GRSF1: variants seen among roughly 807,000 people sequenced by gnomAD.
The protein encoded by GRSF1 is G-rich RNA sequence binding factor 1, also known as G-rich sequence factor 1.
Under a neutral mutation model 51.1 loss-of-function variants are expected in GRSF1, and 50 were observed. The ratio of observed to expected loss-of-function variants is 0.98; its 90% CI spans 0.78 to 1.24. GRSF1 has a LOEUF of 1.24. Among genes scored for constraint, GRSF1 ranks in the 50% most tolerant of loss-of-function variants. The pLI is 0.00. For missense variants in GRSF1, 700 were observed against 639.7 expected (o/e 1.09, Z -1.02); for synonymous variants, 293 against 253.3 (o/e 1.16, Z -1.49).
At position 70,839,498 on chromosome 4, in the gene GRSF1, G is replaced by T. The variant is rs1560605046; in HGVS notation, c.330C>A (p.Ala110=). The T allele has an allele frequency of 2.1e-6, 3 of 1,423,880 alleles. 1 individual carries two copies. In the Admixed American group the frequency reaches 9.3e-5, roughly 44 times the overall value. 88.2% of individuals were successfully genotyped at this position (1,423,880 alleles called of 1,614,324 possible). ...GGCTGTAGCTGCGCGTCGGGACGGC[G>T]GCCGCCGCCGCCAGCGACTGCGGCA... ...SLLPQSLAAA[A]AVPTRSYSQE... is the part of the protein sequence containing the mutation. The change falls in exon 1 of 10, where the codon GCC becomes GCA. Residue 110 remains alanine (A), a synonymous_variant. Coordinates refer to ENST00000254799, the MANE Select transcript of GRSF1 (RefSeq NM_002092.4).
At chr4:70,826,862 T>TAC (rs1177819416) in intron 6 of GRSF1, among the ~76,000 whole-genome samples, 2 of 152,064 alleles carry the variant, frequency 1.3e-5, no homozygotes, top group East Asian at 3.9e-4. Context: ...AACAAAAATA[T>TAC]ATATACACAT....
chr4:70,828,457 A>T (rs1733821606), intron 5 of GRSF1, among the ~76,000 whole-genome samples: 2 of 152,240 alleles, frequency 1.3e-5, no homozygotes, highest in Non-Finnish European at 1.5e-5. Context: ...GTCACAGTAA[A>T]AGAAGAGCTA....
Position 70,832,112 on chromosome 4 carries a change from C to T in GRSF1, c.814+195G>A, listed in dbSNP as rs111629758. Reference sequence around the variant, plus strand: ...GAAATTATTCTGAAATCTGACTTCCCTCCTAAAATCTGCCTGATAGAACAA... The same window carrying T: ...GAAATTATTCTGAAATCTGACTTCCTTCCTAAAATCTGCCTGATAGAACAA... On this transcript the variant is annotated intron_variant, in intron 4 of 9. Coordinates refer to ENST00000254799, the MANE Select transcript of GRSF1 (RefSeq NM_002092.4). Among the ~76,000 whole-genome samples, 1,161 of 152,142 alleles carry T rather than the reference C, an allele frequency of 7.6e-3. 15 individuals are homozygous for T. Among genetic ancestry groups the T allele is most frequent in the African/African-American group, 0.027 (1,125 of 41,520 alleles).
chr4:70,826,337 C>G, intron 6 of GRSF1, 92 bp from the exon 7 acceptor site: 12 of 1,076,736 alleles, frequency 1.1e-5, no homozygotes, highest in Non-Finnish European at 1.6e-5. Flanking sequence ...TGTCCAAATC[C>G]TCAATTCCTC....
At chr4:70,821,119 T>C (rs1037181178) in intron 9 of GRSF1, among the ~76,000 whole-genome samples, 42 of 152,166 alleles carry the variant, frequency 2.8e-4, no homozygotes, top group Non-Finnish European at 4.4e-5. Flanking sequence ...TTGTGGGACT[T>C]CATATCCAAA....
rs890654173 is a variant in GRSF1, at chr4:70,839,658, G to C, written c.170C>G (p.Ala57Gly). Residue 57 changes from alanine to glycine, a missense_variant, in exon 1 of 10, where the codon GCG (alanine) becomes GGG (glycine). Coordinates refer to ENST00000254799, the MANE Select transcript of GRSF1 (RefSeq NM_002092.4). ...RRLLLLLGAA[A>G]AAASQTRGLQ... Reference sequence around the variant, plus strand: ...GCCACGCGTCTGGGAGGCAGCGGCCGCGGCGGCCCCGAGCAGCAGCAGCAG... The same window carrying C: ...GCCACGCGTCTGGGAGGCAGCGGCCCCGGCGGCCCCGAGCAGCAGCAGCAG... The C allele has an allele frequency of 4.3e-6, 6 of 1,397,110 alleles. No homozygotes were observed. Among genetic ancestry groups the C allele is most frequent in the Non-Finnish European group, 3.7e-6 (4 of 1,088,916 alleles). The allele number at this position is 1,397,110 out of a possible 1,614,324, so 86.5% of individuals were successfully genotyped here. A position where few individuals can be genotyped will look rare whatever the true frequency, so the allele number is the denominator to read the frequency against.
chr4:70,833,394 C>A, intron 2 of GRSF1, 121 bp from the exon 3 acceptor site: 3 of 793,610 alleles, frequency 3.8e-6, no homozygotes, highest in Non-Finnish European at 6.1e-6. Context: ...ATTCCTTACA[C>A]AAATCCCCAT....
Position 70,827,940 on chromosome 4 carries a change from A to G in GRSF1, c.1047T>C (p.Tyr349=). Residue 349 remains tyrosine, a synonymous_variant, in exon 6 of 10, where the codon TAT becomes TAC. Coordinates refer to ENST00000254799, the MANE Select transcript of GRSF1 (RefSeq NM_002092.4). ...KKIASFPTAK[Y]ITEPEMVFEE... ...CAAAGACCATTTCTGGCTCAGTTAT[A>G]TACTTAGCAGTAGGAAAAGATGCGA... 6.2e-7 allele frequency: 1 copy of G among 1,610,080 alleles called. No homozygotes were observed. Among genetic ancestry groups the G allele is most frequent in the Non-Finnish European group, 8.5e-7 (1 of 1,176,304 alleles).
chr4:70,833,787 G>T (rs1734081532), intron 2 of GRSF1, among the ~76,000 whole-genome samples: 1 of 152,002 alleles, frequency 6.6e-6, no homozygotes, highest in South Asian at 2.1e-4. Context: ...CCAAAGTGCT[G>T]GGATTACAGG....
chr4:70,843,134 A>G (rs957269905), upstream of GRSF1, among the ~76,000 whole-genome samples: 4 of 152,218 alleles, frequency 2.6e-5, no homozygotes, highest in Non-Finnish European at 4.4e-5. Flanking sequence ...CTCTTCTACT[A>G]TGCCCAAAAG....
rs1733800935 is a variant in GRSF1, at chr4:70,827,952, A to G, written c.1035T>C (p.Pro345=). 1.2e-6 allele frequency: 2 copies of G among 1,612,614 alleles called. No individual in the cohort carries two copies. Among genetic ancestry groups the G allele is most frequent in the Non-Finnish European group, 1.7e-6 (2 of 1,178,684 alleles). The change falls in exon 6 of 10, where the codon CCT becomes CCC. Residue 345 remains proline (P), a synonymous_variant. Coordinates refer to ENST00000254799, the MANE Select transcript of GRSF1 (RefSeq NM_002092.4). The part of the protein sequence containing the change: ...SYKGKKIASF[P]TAKYITEPEM... ...CTGGCTCAGTTATATACTTAGCAGT[A>G]GGAAAAGATGCGATTTTCTTTCCCT... is the stretch of plus-strand genomic sequence containing the variant.
At chr4:70,841,434 T>G (rs571128816), upstream of GRSF1, among the ~76,000 whole-genome samples, 19 of 152,340 alleles carry the variant, frequency 1.2e-4, no homozygotes, top group South Asian at 1.9e-3. Flanking sequence ...TTTCTCCTCC[T>G]GAGCCAGGAC....
rs188730329 is a variant in GRSF1 at position 70,823,065 on chromosome 4, C to T, written c.*25+1229G>A. Among the ~76,000 whole-genome samples the T allele has an allele frequency of 3.8e-3, 572 of 152,116 alleles. 3 individuals carry two copies. Among genetic ancestry groups the T allele is most frequent in the Non-Finnish European group, 6.1e-3 (414 of 67,998 alleles). ...TGAGCCCAGACTGCATCACTGCAAT[C>T]TAGTCTGCTCAACAAAGCAAGACTC... On this transcript the variant is annotated intron_variant, in intron 9 of 9. Transcript: ENST00000254799.
chr4:70,831,631 C>G lies in GRSF1; in HGVS notation c.858G>C (p.Gly286=). The change falls in exon 5 of 10, where the codon GGG becomes GGC. Residue 286 remains glycine (G), a synonymous_variant. Transcript: ENST00000254799. ...CATAGGCTTCCCCTGTTTTTCGCCTCCCTCTATAGTCCATCACAAAAGTAA... is the reference window on the plus strand; with the variant it reads ...CATAGGCTTCCCCTGTTTTTCGCCTGCCTCTATAGTCCATCACAAAAGTAA... ...VDITFVMDYR[G]RRKTGEAYVQ... is the part of the protein sequence containing the mutation. The G allele has an allele frequency of 6.2e-7, 1 of 1,613,562 alleles. No homozygotes were observed. The highest frequency in any genetic ancestry group is 8.5e-7 in the Non-Finnish European group (1 of 1,179,586).
intron 6 of GRSF1, 63 bp downstream of exon 6, chr4:70,827,789 A>AT (rs1373508985): frequency 8.6e-6 from 11 of 1,283,080 alleles, no homozygotes; most frequent in Non-Finnish European, 1.1e-6. Context: ...AAAAAAAAAA[A>AT]ATCACAAAAC....
At chr4:70,824,409 G>A (rs1441877929) in intron 8 of GRSF1, 41 bp from the exon 9 acceptor site, 11 of 1,049,306 alleles carry the variant, frequency 1.0e-5, no homozygotes, top group Non-Finnish European at 1.5e-5. Context: ...AAGTTGAAAA[G>A]GTAGAAAAAT....
rs1326116701 is a variant in GRSF1 at position 70,820,216 on chromosome 4, C to T, written c.*671G>A. ...TAGAATGCCCCCTTAAGTAGATAGGCACCACCGTTATACGCCTTTAGCACA... is the reference window on the plus strand; with the variant it reads ...TAGAATGCCCCCTTAAGTAGATAGGTACCACCGTTATACGCCTTTAGCACA... On this transcript the variant is annotated 3_prime_UTR_variant, in exon 10 of 10. Coordinates refer to ENST00000254799, the MANE Select transcript of GRSF1 (RefSeq NM_002092.4). 6.6e-6 allele frequency: 1 copy of T among 152,420 alleles called. No individual in the cohort carries two copies. Among genetic ancestry groups the T allele is most frequent in the Non-Finnish European group, 1.5e-5 (1 of 68,030 alleles). 9.4% of individuals were successfully genotyped at this position (152,420 alleles called of 1,614,324 possible). A position where few individuals can be genotyped will look rare whatever the true frequency, so the allele number is the denominator to read the frequency against.
chr4:70,826,107 A>ATC lies in GRSF1; in HGVS notation c.1257+15_1257+16dup. The ATC allele has an allele frequency of 1.2e-6, 2 of 1,601,632 alleles. No homozygotes were observed. Among genetic ancestry groups the ATC allele is most frequent in the Non-Finnish European group, 1.7e-6 (2 of 1,172,798 alleles). On this transcript the variant is annotated intron_variant, in intron 7 of 9. Coordinates refer to ENST00000254799, the MANE Select transcript of GRSF1 (RefSeq NM_002092.4). ...TTGTTCAAATCTATTGAGATTGGAT[A>ATC]TCTTACTGCCACACACGTTTATAAT...
chr4:70,830,774 G>C (rs1224117092), intron 5 of GRSF1, among the ~76,000 whole-genome samples: 5 of 148,250 alleles, frequency 3.4e-5, no homozygotes, highest in African/African-American at 7.5e-5. Context: ...AGTGAGCCAA[G>C]ATCACACCAC....
Sources: allele counts gnomAD v4.1 joint callset (sites outside exome capture counted in the v4.1 genomes callset), GRCh38; gene constraint gnomAD v4.1.1; transcripts MANE v1.5; gene names NCBI Gene and HGNC (gene_info 2026-07-23, HGNC 2026-07-21).